The following PLEKHO1 variants were observed in gnomAD, a reference collection of about 807,000 sequenced individuals.
PLEKHO1 encodes pleckstrin homology domain-containing family O member 1.
Under a neutral mutation model 41.4 loss-of-function variants are expected in PLEKHO1, and 22 were observed. The ratio of observed to expected loss-of-function variants is 0.53; its 90% CI spans 0.38 to 0.76. The LOEUF is 0.76. Among genes scored for constraint, PLEKHO1 ranks in the 30% least tolerant of loss-of-function variants. The probability of loss-of-function intolerance (pLI) is 0.00; values close to 1 mark genes in which losing one functional copy is unlikely to be tolerated. For synonymous variants in PLEKHO1, 225 were observed against 210.8 expected, an observed-to-expected ratio of 1.07 and a Z score of -0.58; for missense variants, 488 against 518.3, an observed-to-expected ratio of 0.94 and a Z score of 0.57.
chr1:150,159,750 T>G lies in PLEKHO1; in HGVS notation c.*227T>G. 1 of 462,086 alleles carries G rather than the reference T, an allele frequency of 2.2e-6. No homozygotes were observed. The highest frequency in any genetic ancestry group is 3.9e-6 in the Non-Finnish European group (1 of 257,446). 28.6% of individuals were successfully genotyped at this position (462,086 alleles called of 1,614,324 possible). ...TGACCCCGCAGCAGTAGCAGGAAGT[T>G]TTTACCCAGCCAGAGAGAGAGAAGG... On this transcript the variant is annotated 3_prime_UTR_variant, in exon 6 of 6. Transcript: ENST00000369124.
chr1:150,149,737 C>T (rs1375692636), upstream of PLEKHO1: 1 of 152,102 alleles, frequency 6.6e-6, no homozygotes. Flanking sequence ...GGGTCCCTGC[C>T]CCCTGGGGAG....
intron 5 of PLEKHO1, among the ~76,000 whole-genome samples, chr1:150,158,531 C>CG (rs1660271039): frequency 1.3e-5 from 2 of 148,908 alleles, no homozygotes; most frequent in African/African-American, 2.5e-5. Context: ...GCTAAAAATA[C>CG]AAAAAAAAAG....
At position 150,150,843 on chromosome 1, in the gene PLEKHO1, G is replaced by A; in HGVS notation, c.31-69G>A. Reference sequence around the variant, plus strand: ...GACTGGGCCGCCGAGGCGGTCGTGAGAGACGGACGGAGAGGAAGCGCCGGC... The same window carrying A: ...GACTGGGCCGCCGAGGCGGTCGTGAAAGACGGACGGAGAGGAAGCGCCGGC... On this transcript the variant is annotated intron_variant, in intron 1 of 5. Transcript: ENST00000369124. 2 of 1,467,196 alleles carry A rather than the reference G, an allele frequency of 1.4e-6. 1 individual carries two copies. The highest frequency in any genetic ancestry group is 1.9e-6 in the Non-Finnish European group (2 of 1,056,304). The allele number at this position is 1,467,196 out of a possible 1,614,324, so 90.9% of individuals were successfully genotyped here.
intron 2 of PLEKHO1, chr1:150,154,513 GCA>G (rs1553819914): frequency 5.3e-5 from 8 of 152,332 alleles, no homozygotes; most frequent in Non-Finnish European, 1.2e-4. Context: ...AGGTCCAGCA[GCA>G]GTTCAGAAGG....
At chr1:150,151,609 C>T (rs1324093693) in intron 2 of PLEKHO1, among the ~76,000 whole-genome samples, 1 of 152,156 alleles carries the variant, frequency 6.6e-6, no homozygotes, top group African/African-American at 2.4e-5. Context: ...GTGTCCCTAA[C>T]CAGTATGCTC....
intron 1 of PLEKHO1, chr1:150,150,603 C>T (rs1391560071): frequency 2.2e-5 from 6 of 276,684 alleles, no homozygotes; most frequent in Non-Finnish European, 4.1e-5. Flanking sequence ...CGCCGTTAGT[C>T]CCCGCGCGGC....
intron 3 of PLEKHO1, among the ~76,000 whole-genome samples, 174 bp downstream of exon 3, chr1:150,156,380 C>T (rs77420864): frequency 2.4e-3 from 371 of 152,264 alleles, no homozygotes; most frequent in Middle Eastern, 6.8e-3. Context: ...TCCTTCTTTC[C>T]AGGCAGGCCA....
chr1:150,156,209 A>G lies in PLEKHO1; in HGVS notation c.318+3A>G. The G allele has an allele frequency of 6.2e-7, 1 of 1,612,798 alleles. No homozygotes were observed. The highest frequency in any genetic ancestry group is 8.5e-7 in the Non-Finnish European group (1 of 1,179,260). On this transcript the variant is annotated splice_donor_region_variant and intron_variant, in intron 3 of 5. Coordinates refer to ENST00000369124, the MANE Select transcript of PLEKHO1 (RefSeq NM_016274.6). ...ACTCCAAACAGCCCGGTAACACGGT[A>G]TGTTTCTCCTGCCACCTTGGCTGCT...
In PLEKHO1 at chr1:150,159,443, A is replaced by G; in HGVS notation, c.1150A>G (p.Arg384Gly). The change falls in exon 6 of 6, where the codon AGA (arginine) becomes GGA (glycine). Residue 384 changes from arginine to glycine, a missense_variant. This residue lies in a region of PLEKHO1 where 337 missense variants were observed against 324.6 expected (regional missense o/e 1.04). Coordinates refer to ENST00000369124, the MANE Select transcript of PLEKHO1 (RefSeq NM_016274.6). ...QEVRELRDLYRQMDLQTPDSH... is the reference protein window; with the variant it reads ...QEVRELRDLYGQMDLQTPDSH... ...GGTCAGGGAGCTGAGAGACCTGTAC[A>G]GACAGATGGACCTGCAGACCCCGGA... 1.2e-6 allele frequency: 2 copies of G among 1,614,132 alleles called. No homozygotes were observed. The highest frequency in any genetic ancestry group is 1.7e-6 in the Non-Finnish European group (2 of 1,180,008).
In PLEKHO1 at chr1:150,158,883, C is replaced by T. The variant is rs1660292894; in HGVS notation, c.590C>T (p.Pro197Leu). ...TTGATCCAAGAGGAAGACCCTTCCCCTGAGGAACCAACCTCTTGTGCTGAG... is the reference window on the plus strand; with the variant it reads ...TTGATCCAAGAGGAAGACCCTTCCCTTGAGGAACCAACCTCTTGTGCTGAG... Reference protein sequence around the residue: ...LDLIQEEDPSPEEPTSCAESF... With the variant: ...LDLIQEEDPSLEEPTSCAESF... Residue 197 changes from proline (P) to leucine (L), a missense_variant, in exon 6 of 6, where the codon CCT (proline) becomes CTT (leucine). By Grantham distance (98) the Pro-to-Leu change is moderately conservative (BLOSUM62 -3). This residue lies in a region of PLEKHO1 where 337 missense variants were observed against 324.6 expected (regional missense o/e 1.04). Coordinates refer to ENST00000369124, the MANE Select transcript of PLEKHO1 (RefSeq NM_016274.6). The T allele has an allele frequency of 6.2e-7, 1 of 1,613,978 alleles. No homozygotes were observed. The highest frequency in any genetic ancestry group is 1.1e-5 in the South Asian group (1 of 91,086).
intron 2 of PLEKHO1, among the ~76,000 whole-genome samples, chr1:150,152,381 C>T (rs1659971725): frequency 6.6e-6 from 1 of 152,194 alleles, no homozygotes; most frequent in South Asian, 2.1e-4. Context: ...CAGCTCACTT[C>T]AGCTTCCACC....
In PLEKHO1 at chr1:150,159,128, C is replaced by T. The variant is rs782519422; in HGVS notation, c.835C>T (p.Arg279Trp). Residue 279 changes from arginine (R) to tryptophan (W), a missense_variant, in exon 6 of 6, where the codon CGG (arginine) becomes TGG (tryptophan). Physicochemically the swap from Arg to Trp is moderately radical, Grantham distance 101 (BLOSUM62 -3). Coordinates refer to ENST00000369124, the MANE Select transcript of PLEKHO1 (RefSeq NM_016274.6). Reference sequence around the variant, plus strand: ...CTCCCTGGAGGAGATCCTATCTCAGCGGGATGCTGCCTCTGCCCGCACCCT... The same window carrying T: ...CTCCCTGGAGGAGATCCTATCTCAGTGGGATGCTGCCTCTGCCCGCACCCT... The part of the protein sequence containing the change: ...CASLEEILSQ[R>W]DAASARTLQL... 4 of 1,612,338 alleles carry T rather than the reference C, an allele frequency of 2.5e-6. No individual in the cohort carries two copies. Among genetic ancestry groups the T allele is most frequent in the Non-Finnish European group, 3.4e-6 (4 of 1,179,318 alleles).
At position 150,159,359 on chromosome 1, in the gene PLEKHO1, G is replaced by C. The variant is rs1553821554; in HGVS notation, c.1066G>C (p.Glu356Gln). Residue 356 changes from glutamate to glutamine, a missense_variant, in exon 6 of 6, where the codon GAA becomes CAA. By Grantham distance (29) the Glu-to-Gln change is conservative. Coordinates refer to ENST00000369124, the MANE Select transcript of PLEKHO1 (RefSeq NM_016274.6). ...GTCAGAGCAGCTGCTGCTGGAGACGGAACGGCTGCTGGGAGAGGCATCATC... is the reference window on the plus strand; with the variant it reads ...GTCAGAGCAGCTGCTGCTGGAGACGCAACGGCTGCTGGGAGAGGCATCATC... ...SESEQLLLETERLLGEASSNW... is the reference protein window; with the variant it reads ...SESEQLLLETQRLLGEASSNW... The C allele has an allele frequency of 2.5e-6, 4 of 1,614,202 alleles. No individual in the cohort carries two copies. The highest frequency in any genetic ancestry group is 2.2e-5 in the East Asian group (1 of 44,874).
At position 150,158,487 on chromosome 1, in the gene PLEKHO1, C is replaced by G. The variant is rs903949904; in HGVS notation, c.526-332C>G. ...ATCACTTGAGGTCAGGAGTTTGAGA[C>G]CAGCCATGGCCAACATGGTGAAACC... is the stretch of plus-strand genomic sequence containing the variant. On this transcript the variant is annotated intron_variant, in intron 5 of 5. Coordinates refer to ENST00000369124, the MANE Select transcript of PLEKHO1 (RefSeq NM_016274.6). Among the ~76,000 whole-genome samples the G allele has an allele frequency of 2.6e-5, 4 of 151,314 alleles. No individual in the cohort carries two copies. In the East Asian group the frequency reaches 7.8e-4, roughly 30 times the overall value.
In PLEKHO1 at chr1:150,150,303, C is replaced by T. The variant is rs4553237; in HGVS notation, c.30+16C>T. ...CGCCAAGCGGGTGAGTGCGCTTGCC[C>T]GCCCTGCGGCCGCCGCCGCCTCCGC... On this transcript the variant is annotated intron_variant, in intron 1 of 5. Coordinates refer to ENST00000369124, the MANE Select transcript of PLEKHO1 (RefSeq NM_016274.6). 1,527 of 1,080,120 alleles carry T rather than the reference C, an allele frequency of 1.4e-3. 17 individuals carry two copies. The African/African-American group carries it at 0.024, about 17-fold the overall frequency. The allele number at this position is 1,080,120 out of a possible 1,614,324, so 66.9% of individuals were successfully genotyped here.
At chr1:150,153,233 G>A (rs959954282) in intron 2 of PLEKHO1, among the ~76,000 whole-genome samples, 1 of 152,168 alleles carries the variant, frequency 6.6e-6, no homozygotes, top group Admixed American at 6.5e-5. Context: ...TGTCGCCCAC[G>A]CTGGAGTGCA....
rs782774322 is a variant in PLEKHO1, at chr1:150,151,076, C to CT, written c.177+19dup. ...AGAAGGAGGTGGGTGCCTCTTGCCTCTAACTCTCCGTTTTCTCATAGCCCC... is the reference window on the plus strand; with the variant it reads ...AGAAGGAGGTGGGTGCCTCTTGCCTCTTAACTCTCCGTTTTCTCATAGCCCC... On this transcript the variant is annotated intron_variant, in intron 2 of 5. Transcript: ENST00000369124. 8.1e-6 allele frequency: 13 copies of CT among 1,613,340 alleles called. No individual in the cohort carries two copies. The highest frequency in any genetic ancestry group is 1.3e-5 in the African/African-American group (1 of 74,894).
In PLEKHO1 at chr1:150,159,096, G is replaced by A. The variant is rs200603789; in HGVS notation, c.803G>A (p.Arg268His). Reference protein sequence around the residue: ...PKKLTPTEKGRCASLEEILSQ... With the variant: ...PKKLTPTEKGHCASLEEILSQ... ...AAGTTGACGCCCACAGAGAAAGGCC[G>A]CTGCGCCTCCCTGGAGGAGATCCTA... Residue 268 changes from arginine to histidine, a missense_variant, in exon 6 of 6, where the codon CGC (arginine) becomes CAC (histidine). By Grantham distance (29) the Arg-to-His change is conservative. This residue lies in a region of PLEKHO1 where 337 missense variants were observed against 324.6 expected (regional missense o/e 1.04). Coordinates refer to ENST00000369124, the MANE Select transcript of PLEKHO1 (RefSeq NM_016274.6). 9.3e-6 allele frequency: 15 copies of A among 1,613,798 alleles called. No individual in the cohort carries two copies. Among genetic ancestry groups the A allele is most frequent in the East Asian group, 2.2e-5 (1 of 44,858 alleles).
intron 1 of PLEKHO1, 24 bp downstream of exon 1, chr1:150,150,311 G>T: frequency 9.4e-7 from 1 of 1,061,516 alleles, no homozygotes; most frequent in East Asian, 7.9e-5. Context: ...CCCGCCCTGC[G>T]GCCGCCGCCG....
Sources: gnomAD v4.1 joint callset for allele counts (sites outside exome capture counted in the v4.1 genomes callset) on GRCh38, gnomAD v4.1.1 for gene constraint, gnomAD v4.1.1 regional missense constraint, MANE v1.5 for transcripts, NCBI Gene and HGNC (gene_info 2026-07-23, HGNC 2026-07-21) for gene names.